The following UBE2K variants were observed in gnomAD, a reference collection of about 807,000 sequenced individuals.
UBE2K encodes the protein ubiquitin conjugating enzyme E2 K.
In UBE2K, 6 loss-of-function variants were observed where a neutral mutation model predicts 30.0. The ratio of observed to expected loss-of-function variants is 0.20; its 90% CI spans 0.11 to 0.39. UBE2K has a LOEUF of 0.39. UBE2K is among the 10% of genes least tolerant of loss of function. UBE2K has a pLI of 1.00. For missense variants in UBE2K, 61 were observed against 241.6 expected (o/e 0.25, Z 4.96); for synonymous variants, 86 against 83.7 (o/e 1.03, Z -0.15).
chr4:39,762,414 A>G (rs1043669545), intron 4 of UBE2K, among the ~76,000 whole-genome samples: 4 of 152,006 alleles, frequency 2.6e-5, no homozygotes, highest in African/African-American at 7.3e-5. Flanking sequence ...TTGCATTGCC[A>G]TAAAGGAATA....
intron 2 of UBE2K, among the ~76,000 whole-genome samples, chr4:39,741,479 G>C (rs919829189): frequency 3.3e-5 from 5 of 152,138 alleles, no homozygotes; most frequent in African/African-American, 1.2e-4. Context: ...GTGACGATAG[G>C]TTAAATGTTT....
At chr4:39,742,458 G>T (rs302946) in intron 2 of UBE2K, among the ~76,000 whole-genome samples, 1 of 151,892 alleles carries the variant, frequency 6.6e-6, no homozygotes, top group South Asian at 2.1e-4. Context: ...AACTAGCCAC[G>T]AGGCATAACG....
At chr4:39,764,889 A>AT (rs11407158) in intron 4 of UBE2K, among the ~76,000 whole-genome samples, 121,040 of 147,598 alleles carry the variant, frequency 0.82, 49,908 homozygotes, top group African/African-American at 0.92. Context: ...GAACTTATTA[A>AT]TTTTTTTTTT....
At chr4:39,718,581 G>A (rs895981398) in intron 1 of UBE2K, among the ~76,000 whole-genome samples, 1 of 152,242 alleles carries the variant, frequency 6.6e-6, no homozygotes, top group African/African-American at 2.4e-5. Context: ...CTCAGGCCAC[G>A]CAGGAGCCCA....
At chr4:39,717,433 G>A (rs1425768487) in intron 1 of UBE2K, among the ~76,000 whole-genome samples, 3 of 151,892 alleles carry the variant, frequency 2.0e-5, no homozygotes, top group African/African-American at 4.8e-5. Context: ...GTTTCACCAC[G>A]TTGATCAGGC....
At chr4:39,772,132 C>T (rs1392686241) in intron 4 of UBE2K, among the ~76,000 whole-genome samples, 1 of 152,160 alleles carries the variant, frequency 6.6e-6, no homozygotes, top group Admixed American at 6.6e-5. Flanking sequence ...CCACTGCACC[C>T]AGCCTAAATT....
At chr4:39,745,616 T>A in intron 2 of UBE2K, 136 bp from the exon 3 acceptor site, 1 of 634,766 alleles carries the variant, frequency 1.6e-6, no homozygotes, top group Non-Finnish European at 2.7e-6. Flanking sequence ...TTGATTACTT[T>A]CTTTCTGGAT....
chr4:39,715,978 C>G (rs1443593895), intron 1 of UBE2K, among the ~76,000 whole-genome samples: 1 of 152,158 alleles, frequency 6.6e-6, no homozygotes, highest in Non-Finnish European at 1.5e-5. Flanking sequence ...AGTACCTTCC[C>G]AATTACAGAA....
At chr4:39,765,239 GGCCAGGCATCGTGGCTCAT>G (rs1391311766) in intron 4 of UBE2K, among the ~76,000 whole-genome samples, 7 of 152,114 alleles carry the variant, frequency 4.6e-5, no homozygotes, top group Admixed American at 3.3e-4. Flanking sequence ...AAATTTACTA[GGCCAGGCATCGTGGCTCAT>G]GCCTGCTGTA....
chr4:39,718,582 C>T (rs539472377), intron 1 of UBE2K, among the ~76,000 whole-genome samples: 1 of 152,364 alleles, frequency 6.6e-6, no homozygotes, highest in African/African-American at 2.4e-5. Context: ...TCAGGCCACG[C>T]AGGAGCCCAC....
chr4:39,774,749 A>G (rs1713184500), intron 4 of UBE2K, 85 bp from the exon 5 acceptor site: 1 of 717,440 alleles, frequency 1.4e-6, no homozygotes, highest in Non-Finnish European at 2.0e-6. Flanking sequence ...TTAGCTCTAC[A>G]ATTTTTTAAT....
intron 1 of UBE2K, among the ~76,000 whole-genome samples, chr4:39,719,135 C>T (rs764567441): frequency 5.9e-5 from 9 of 152,238 alleles, no homozygotes; most frequent in Non-Finnish European, 1.3e-4. Flanking sequence ...CTACACATAC[C>T]TCAGACTTTC....
At chr4:39,748,899 A>G (rs1445491410) in intron 3 of UBE2K, among the ~76,000 whole-genome samples, 1 of 152,246 alleles carries the variant, frequency 6.6e-6, no homozygotes, top group Non-Finnish European at 1.5e-5. Context: ...GTTAATGAAC[A>G]TGATAAATAT....
chr4:39,716,997 CA>C (rs71194907), intron 1 of UBE2K, among the ~76,000 whole-genome samples: 697 of 35,060 alleles, frequency 0.02, 6 homozygotes, highest in African/African-American at 0.06. Flanking sequence ...GACTCCATCT[CA>C]AAAAAAAAAA....
intron 1 of UBE2K, among the ~76,000 whole-genome samples, chr4:39,699,709 G>T (rs1218998697): frequency 6.6e-6 from 1 of 152,048 alleles, no homozygotes; most frequent in Non-Finnish European, 1.5e-5. Flanking sequence ...ATAATAATTT[G>T]TGAAATTCAG....
intron 4 of UBE2K, among the ~76,000 whole-genome samples, chr4:39,772,023 GA>G (rs2109407074): frequency 6.6e-6 from 1 of 152,272 alleles, no homozygotes; most frequent in South Asian, 2.1e-4. Context: ...ATTTTTGGCA[GA>G]CAGTGTTTCG....
In UBE2K at chr4:39,698,179, G is replaced by A. The variant is rs551248648; in HGVS notation, c.-149G>A. The A allele has an allele frequency of 1.1e-3, 855 of 785,348 alleles. No individual in the cohort carries two copies. Among genetic ancestry groups the A allele is most frequent in the Non-Finnish European group, 1.7e-3 (789 of 457,552 alleles). The allele number at this position is 785,348 out of a possible 1,614,324, so 48.6% of individuals were successfully genotyped here. On this transcript the variant is annotated 5_prime_UTR_variant, in exon 1 of 7. Transcript: ENST00000261427. ...CGCGGAGGTGATTCCACACTGAGGC[G>A]AGCGCGGCGGCCGGGGTGGTAGTGG...
At chr4:39,709,512 C>T (rs543888461) in intron 1 of UBE2K, among the ~76,000 whole-genome samples, 2 of 152,120 alleles carry the variant, frequency 1.3e-5, no homozygotes, top group South Asian at 2.1e-4. Context: ...AGCACATTCA[C>T]GTAACTTTCA....
chr4:39,702,390 G>T lies in UBE2K; in HGVS notation c.63+4000G>T, dbSNP rs545765793. Among the ~76,000 whole-genome samples the T allele has an allele frequency of 3.3e-5, 5 of 151,642 alleles. No individual in the cohort carries two copies. In the South Asian group the frequency reaches 1.0e-3, roughly 32 times the overall value. On this transcript the variant is annotated intron_variant, in intron 1 of 6. Coordinates refer to ENST00000261427, the MANE Select transcript of UBE2K (RefSeq NM_005339.5). ...CTGCCTCGGCCTCCTGAGTAGCTGGGATTATAGGCATGCACCACCATGGCT... is the reference window on the plus strand; with the variant it reads ...CTGCCTCGGCCTCCTGAGTAGCTGGTATTATAGGCATGCACCACCATGGCT...
Sources: gnomAD v4.1 joint callset for allele counts (sites outside exome capture counted in the v4.1 genomes callset) on GRCh38, gnomAD v4.1.1 for gene constraint, MANE v1.5 for transcripts, NCBI Gene and HGNC (gene_info 2026-07-23, HGNC 2026-07-21) for gene names.